The following SCN1A variants were observed in gnomAD, a reference collection of about 807,000 sequenced individuals.
SCN1A encodes the protein sodium channel protein type 1 subunit alpha.
A neutral mutation model predicts 193.7 loss-of-function variants in SCN1A; 13 were observed. The ratio of observed to expected loss-of-function variants is 0.07; its 90% confidence interval spans 0.04 to 0.11. The LOEUF is 0.11. SCN1A is among the 10% of genes least tolerant of loss of function. SCN1A has a pLI of 1.00. For synonymous variants in SCN1A, 781 were observed against 843.6 expected (o/e 0.93, Z 1.29); for missense variants, 1,432 against 2,451.1 (o/e 0.58, Z 8.78).
chr2:166,045,037 C>T lies in SCN1A; in HGVS notation c.1662+6G>A, dbSNP rs1369338464. 6 of 1,613,992 alleles carry T rather than the reference C, an allele frequency of 3.7e-6. No homozygotes were observed. Among genetic ancestry groups the T allele is most frequent in the East Asian group, 2.2e-5 (1 of 44,864 alleles). On this transcript the variant is annotated splice_donor_region_variant and intron_variant, in intron 13 of 28. Coordinates refer to ENST00000674923, the MANE Select transcript of SCN1A (RefSeq NM_001165963.4). ...CCATGCATCAGTAAACTCAGCAGTGCCATACCTGGTGTGGGGAGGAGTACC... is the reference window on the plus strand; with the variant it reads ...CCATGCATCAGTAAACTCAGCAGTGTCATACCTGGTGTGGGGAGGAGTACC...
chr2:166,121,118 GAAA>G (rs11299049), intron 2 of SCN1A, among the ~76,000 whole-genome samples: 10,534 of 96,574 alleles, frequency 0.11, 469 homozygotes, highest in Middle Eastern at 0.27. Context: ...GGAAAAAAAA[GAAA>G]AAAAAAAAAA....
chr2:166,044,554 G>A (rs1549588), intron 13 of SCN1A, among the ~76,000 whole-genome samples: 112,209 of 152,058 alleles, frequency 0.74, 41,789 homozygotes, highest in East Asian at 0.89. Context: ...GTTGGAACTT[G>A]AAGTTCATAC....
In SCN1A at chr2:166,119,255, C is replaced by T. The variant is rs545968099; in HGVS notation, c.-142+7669G>A. 3.5e-3 allele frequency among the ~76,000 whole-genome samples: 526 copies of T among 152,270 alleles called. 5 individuals are homozygous for T. Among genetic ancestry groups the T allele is most frequent in the Admixed American group, 6.1e-3 (93 of 15,294 alleles). ...AATCTATTTCTCCTCACACAGATTT[C>T]TTTCCTCACATCCTCAACACATATA... is the stretch of plus-strand genomic sequence containing the variant. On this transcript the variant is annotated intron_variant, in intron 2 of 28. Coordinates refer to ENST00000674923, the MANE Select transcript of SCN1A (RefSeq NM_001165963.4).
Position 166,094,516 on chromosome 2 carries a change from A to C in SCN1A, c.-141-16715T>G, listed in dbSNP as rs148833234. 2.0e-5 allele frequency among the ~76,000 whole-genome samples: 3 copies of C among 152,318 alleles called. No individual in the cohort carries two copies. In the East Asian group the frequency reaches 5.8e-4, roughly 29 times the overall value. ...TAAGGAATAACATTCTGAATGTTGC[A>C]CTCCAAAATTCAAAGAATCTTAGTA... is the stretch of plus-strand genomic sequence containing the variant. On this transcript the variant is annotated intron_variant, in intron 2 of 28. Coordinates refer to ENST00000674923, the MANE Select transcript of SCN1A (RefSeq NM_001165963.4).
intron 7 of SCN1A, among the ~76,000 whole-genome samples, chr2:166,053,923 C>T (rs1221447522): frequency 6.6e-6 from 1 of 151,728 alleles, no homozygotes; most frequent in African/African-American, 2.4e-5. Flanking sequence ...GGTGCATAAA[C>T]TGTGCATATT....
intron 2 of SCN1A, among the ~76,000 whole-genome samples, chr2:166,121,947 A>C (rs1224185632): frequency 6.6e-6 from 1 of 152,192 alleles, no homozygotes; most frequent in African/African-American, 2.4e-5. Context: ...AAGAAGATGA[A>C]ATTTAGACAG....
chr2:165,996,380 C>T (rs971138371), intron 26 of SCN1A: 1 of 320,008 alleles, frequency 3.1e-6, no homozygotes, highest in African/African-American at 2.2e-5. Flanking sequence ...AAGTATTTTA[C>T]CCAAGACCTT....
chr2:166,073,633 GCA>G lies in SCN1A; in HGVS notation c.-14_-13del. Reference sequence around the variant, plus strand: ...ACTGTTTGCTCCATCTTGTCATCCTGCACATTTTAATTACCATTTATTCTGCA... The same window carrying G: ...ACTGTTTGCTCCATCTTGTCATCCTGCATTTTAATTACCATTTATTCTGCA... On this transcript the variant is annotated 5_prime_UTR_variant, in exon 4 of 29. Transcript: ENST00000674923. 13 of 1,613,814 alleles carry G rather than the reference GCA, an allele frequency of 8.1e-6. No homozygotes were observed. The highest frequency in any genetic ancestry group is 1.1e-5 in the Non-Finnish European group (13 of 1,179,870).
intron 2 of SCN1A, among the ~76,000 whole-genome samples, chr2:166,098,321 A>G (rs1366291038): frequency 6.6e-6 from 1 of 152,182 alleles, no homozygotes; most frequent in African/African-American, 2.4e-5. Context: ...AAAATTCAAC[A>G]TCTCTTCATG....
chr2:166,073,318 G>C, intron 4 of SCN1A, 40 bp downstream of exon 4: 1 of 1,611,268 alleles, frequency 6.2e-7, no homozygotes, highest in Non-Finnish European at 8.5e-7. Context: ...GAATGCAGTA[G>C]GCAATTAGCA....
At chr2:166,091,072 A>G (rs1444212726) in intron 2 of SCN1A, among the ~76,000 whole-genome samples, 2 of 152,112 alleles carry the variant, frequency 1.3e-5, no homozygotes, top group African/African-American at 4.8e-5. Context: ...TGGCATAACG[A>G]TTTCATAGGA....
Position 166,045,046 on chromosome 2 carries a change from G to A in SCN1A, c.1659C>T (p.His553=). The change falls in exon 13 of 29, where the codon CAC becomes CAT. Residue 553 remains histidine (H), a synonymous_variant. Coordinates refer to ENST00000674923, the MANE Select transcript of SCN1A (RefSeq NM_001165963.4). Reference sequence around the variant, plus strand: ...AGTAAACTCAGCAGTGCCATACCTGGTGTGGGGAGGAGTACCTCTTTTCAT... The same window carrying A: ...AGTAAACTCAGCAGTGCCATACCTGATGTGGGGAGGAGTACCTCTTTTCAT... The part of the protein sequence containing the change: ...LTYEKRYSSP[H]QSLLSIRGSL... 6.2e-7 allele frequency: 1 copy of A among 1,614,056 alleles called. No individual in the cohort carries two copies. The highest frequency in any genetic ancestry group is 8.5e-7 in the Non-Finnish European group (1 of 1,179,976).
intron 2 of SCN1A, among the ~76,000 whole-genome samples, chr2:166,084,624 T>C (rs188270650): frequency 4.7e-4 from 71 of 152,108 alleles, no homozygotes; most frequent in Admixed American, 1.8e-3. Context: ...AAAATGCTGG[T>C]TGGGGGTTGG....
chr2:166,127,453 G>T (rs1691377373), intron 1 of SCN1A, among the ~76,000 whole-genome samples: 1 of 152,142 alleles, frequency 6.6e-6, no homozygotes, highest in Non-Finnish European at 1.5e-5. Context: ...GATCAAAAGG[G>T]ACCTTGAATA....
intron 3 of SCN1A, among the ~76,000 whole-genome samples, chr2:166,076,507 C>T (rs555574257): frequency 4.0e-5 from 6 of 149,338 alleles, no homozygotes; most frequent in East Asian, 1.9e-4. Context: ...CTGTCAAAAT[C>T]CCAGCAGTTA....
intron 19 of SCN1A, among the ~76,000 whole-genome samples, chr2:166,025,612 A>G (rs981734033): frequency 5.3e-5 from 8 of 152,160 alleles, no homozygotes; most frequent in African/African-American, 1.9e-4. Flanking sequence ...GGGATTATAC[A>G]AGGGCAAGTG....
intron 23 of SCN1A, 54 bp downstream of exon 23, chr2:166,009,665 A>T: frequency 6.6e-7 from 1 of 1,524,836 alleles, no homozygotes; most frequent in Admixed American, 2.1e-5. Context: ...TCTAAATTTA[A>T]TTTAGTTTAA....
Position 165,991,171 on chromosome 2 carries a change from T to G in SCN1A, c.*74A>C. On this transcript the variant is annotated 3_prime_UTR_variant, in exon 29 of 29. Coordinates refer to ENST00000674923, the MANE Select transcript of SCN1A (RefSeq NM_001165963.4). ...GTTTGGCATTGACCTCCTAAAGGAG[T>G]CCTGTTGATAAAAATACATCACCTT... The G allele has an allele frequency of 7.4e-7, 1 of 1,348,822 alleles. No individual in the cohort carries two copies. Among genetic ancestry groups the G allele is most frequent in the Non-Finnish European group, 1.0e-6 (1 of 972,438 alleles). The allele number at this position is 1,348,822 out of a possible 1,614,324, so 83.6% of individuals were successfully genotyped here.
At position 166,046,818 on chromosome 2, in the gene SCN1A, TTCGGCC is replaced by T. The variant is rs1697886499; in HGVS notation, c.1323_1328del (p.Ala442_Glu443del). On this transcript the variant is annotated inframe_deletion, in exon 12 of 29. Coordinates refer to ENST00000674923, the MANE Select transcript of SCN1A (RefSeq NM_001165963.4). Reference sequence around the variant, plus strand: ...TAAGCTGTTCAATCATCTGCTGAAATTCGGCCTCTTTCTGTTCTGCTTCTTCCAAGG... The same window carrying T: ...TAAGCTGTTCAATCATCTGCTGAAATTCTTTCTGTTCTGCTTCTTCCAAGG... 4 of 1,613,880 alleles carry T rather than the reference TTCGGCC, an allele frequency of 2.5e-6. No homozygotes were observed. Among genetic ancestry groups the T allele is most frequent in the Non-Finnish European group, 3.4e-6 (4 of 1,179,814 alleles).
Sources: gnomAD v4.1 joint callset for allele counts (sites outside exome capture counted in the v4.1 genomes callset) on GRCh38, gnomAD v4.1.1 for gene constraint, MANE v1.5 for transcripts, NCBI Gene and HGNC (gene_info 2026-07-23, HGNC 2026-07-21) for gene names.